Variants in GARIN2 observed in about 807,000 individuals in gnomAD.
GARIN2 encodes golgi associated RAB2 interactor family member 2.
the GARIN2 span, chr14:67,223,948 G>A: frequency 4.9e-4 from 487 of 984,802 alleles, no homozygotes; most frequent in Non-Finnish European, 5.6e-4. Context: ...AAATGAGTCC[G>A]TAATTCTAAT....
chr14:67,215,151 A>G, the GARIN2 span, among the ~76,000 whole-genome samples: 1 of 152,166 alleles, frequency 6.6e-6, no homozygotes. Flanking sequence ...ATATCTATCA[A>G]GCAAGGATTC....
chr14:67,217,624 A>C, the GARIN2 span, among the ~76,000 whole-genome samples: 1 of 152,218 alleles, frequency 6.6e-6, no homozygotes, highest in East Asian at 1.9e-4. Flanking sequence ...GATGGTGGCT[A>C]TCATCTTTTC....
At chr14:67,217,866 G>T in the GARIN2 span, among the ~76,000 whole-genome samples, 48 of 152,066 alleles carry the variant, frequency 3.2e-4, no homozygotes, top group Admixed American at 3.0e-3. Context: ...GTATCCTGTG[G>T]TCCTATGTTG....
the GARIN2 span, among the ~76,000 whole-genome samples, chr14:67,213,398 A>C: frequency 7.4e-6 from 1 of 135,342 alleles, no homozygotes. Context: ...CCCACCTATG[A>C]GTGAGAATAT....
the GARIN2 span, among the ~76,000 whole-genome samples, chr14:67,196,265 G>T: frequency 6.8e-6 from 1 of 148,144 alleles, no homozygotes; most frequent in South Asian, 2.1e-4. Flanking sequence ...CGCCCAGCCT[G>T]CAGTGCATTG....
chr14:67,199,579 C>T, the GARIN2 span: 139 of 1,595,412 alleles, frequency 8.7e-5, no homozygotes, highest in Admixed American at 4.2e-4. Flanking sequence ...ACCCTATCAC[C>T]GTATCTTATG....
chr14:67,203,131 G>A, the GARIN2 span: 203 of 1,613,488 alleles, frequency 1.3e-4, no homozygotes, highest in Non-Finnish European at 1.6e-4. Context: ...CTTCATAACC[G>A]AGCCAACTGG....
At chr14:67,228,239 T>G in the GARIN2 span, 3 of 162,386 alleles carry the variant, frequency 1.8e-5, no homozygotes, top group African/African-American at 7.2e-5. Flanking sequence ...GAGATGTTAT[T>G]CATCCAAAGG....
chr14:67,208,063 C>T, the GARIN2 span: 3 of 1,297,312 alleles, frequency 2.3e-6, no homozygotes, highest in Non-Finnish European at 3.1e-6. Context: ...CATTCTAAGC[C>T]TCACTCCCTC....
At chr14:67,192,830 CTATATA>C in the GARIN2 span, among the ~76,000 whole-genome samples, 2 of 139,538 alleles carry the variant, frequency 1.4e-5, no homozygotes, top group Non-Finnish European at 3.1e-5. Flanking sequence ...ATGTACAGAT[CTATATA>C]TATATCTATA....
chr14:67,201,621 A>C, the GARIN2 span: 1 of 443,756 alleles, frequency 2.3e-6, no homozygotes, highest in Non-Finnish European at 4.5e-6. Context: ...AGGGGTGTGG[A>C]GTGGAACCAC....
the GARIN2 span, chr14:67,225,375 T>C: frequency 3.1e-6 from 2 of 640,800 alleles, no homozygotes; most frequent in Non-Finnish European, 4.8e-6. Flanking sequence ...TATTCTACTG[T>C]AGTAACAATA....
chr14:67,221,618 A>G, the GARIN2 span: 1 of 570,210 alleles, frequency 1.8e-6, no homozygotes, highest in Non-Finnish European at 2.2e-6. Context: ...TTTTATTCTC[A>G]TATGTTCTAT....
the GARIN2 span, chr14:67,201,754 T>C: frequency 3.0e-6 from 1 of 329,250 alleles, no homozygotes; most frequent in East Asian, 8.2e-5. Context: ...TTGGGTAAGT[T>C]ATCAATAGTG....
the GARIN2 span, chr14:67,199,718 G>T: frequency 2.0e-5 from 31 of 1,582,160 alleles, no homozygotes; most frequent in Non-Finnish European, 1.6e-5. Context: ...TTCACCCTCT[G>T]CCCCCAATCC....
At chr14:67,214,450 A>T in the GARIN2 span, among the ~76,000 whole-genome samples, 1 of 152,070 alleles carries the variant, frequency 6.6e-6, no homozygotes, top group Admixed American at 6.5e-5. Context: ...TGTTTTTCTC[A>T]GGTTTGTCAA....
the GARIN2 span, among the ~76,000 whole-genome samples, chr14:67,194,528 C>A: frequency 6.6e-6 from 1 of 152,014 alleles, no homozygotes; most frequent in Non-Finnish European, 1.5e-5. Context: ...TCCCCCAAGA[C>A]AGAGTTTTGC....
At chr14:67,195,715 GT>G in the GARIN2 span, among the ~76,000 whole-genome samples, 1 of 6,578 alleles carries the variant, frequency 1.5e-4, no homozygotes, top group Non-Finnish European at 5.2e-4. Flanking sequence ...CTTTTTGGTT[GT>G]GTGTGTGTGT....
chr14:67,193,429 CTG>C, the GARIN2 span, among the ~76,000 whole-genome samples: 3 of 138,988 alleles, frequency 2.2e-5, no homozygotes, highest in African/African-American at 5.2e-5. Context: ...ATATTTATAT[CTG>C]TATATCTAGA....
Sources: gnomAD v4.1 joint callset for allele counts (sites outside exome capture counted in the v4.1 genomes callset) on GRCh38, gnomAD v4.1.1 for gene constraint, MANE v1.5 for transcripts, NCBI Gene and HGNC (gene_info 2026-07-23, HGNC 2026-07-21) for gene names.